PDZRN4: variants seen among roughly 807,000 people sequenced by gnomAD.
PDZRN4 encodes the protein PDZ domain containing ring finger 4, also known as PDZ domain-containing RING finger protein 4.
In PDZRN4, 70 loss-of-function variants were observed where a neutral mutation model predicts 99.0. The ratio of observed to expected loss-of-function variants is 0.71; its 90% CI spans 0.58 to 0.86. The LOEUF (loss-of-function observed/expected upper bound fraction) is 0.86, where lower values mean the gene tolerates loss of function less well. Ranked by LOEUF, PDZRN4 falls within the 40% of genes least tolerant of loss-of-function variation. PDZRN4 has a pLI of 0.00. For synonymous variants in PDZRN4, 551 were observed against 501.6 expected (o/e 1.10, Z -1.32); for missense variants, 1,474 against 1,331.2 (o/e 1.11, Z -1.67).
At chr12:41,311,720 G>T (rs528268218) in intron 3 of PDZRN4, among the ~76,000 whole-genome samples, 1 of 152,086 alleles carries the variant, frequency 6.6e-6, no homozygotes, top group African/African-American at 2.4e-5. Flanking sequence ...TTTACTTGCT[G>T]TATGAGTTAT....
chr12:41,521,170 A>G (rs1938486749), intron 5 of PDZRN4, among the ~76,000 whole-genome samples: 1 of 152,100 alleles, frequency 6.6e-6, no homozygotes, highest in Non-Finnish European at 1.5e-5. Flanking sequence ...GCCCTCTTAC[A>G]GATATTCTCT....
At chr12:41,312,415 C>A (rs1291095540) in intron 3 of PDZRN4, among the ~76,000 whole-genome samples, 1 of 152,140 alleles carries the variant, frequency 6.6e-6, no homozygotes, top group Admixed American at 6.6e-5. Flanking sequence ...GCTCACTTGA[C>A]TTTGCCTATC....
chr12:41,199,958 C>T (rs901252943), intron 3 of PDZRN4, among the ~76,000 whole-genome samples: 1 of 152,022 alleles, frequency 6.6e-6, no homozygotes, highest in South Asian at 2.1e-4. Context: ...CCAGACTTCA[C>T]CATGATGCAA....
At chr12:41,275,516 C>G (rs1951344836) in intron 3 of PDZRN4, among the ~76,000 whole-genome samples, 1 of 152,034 alleles carries the variant, frequency 6.6e-6, no homozygotes, top group African/African-American at 2.4e-5. Flanking sequence ...GAAGTGAGCT[C>G]AGTGGAGTGA....
chr12:41,359,577 G>A (rs1006687977), intron 3 of PDZRN4, among the ~76,000 whole-genome samples: 17 of 151,884 alleles, frequency 1.1e-4, no homozygotes, highest in Non-Finnish European at 2.5e-4. Context: ...TTCCCATTAT[G>A]TTCTTGTGAT....
At chr12:41,405,809 G>C (rs1952343619) in intron 3 of PDZRN4, among the ~76,000 whole-genome samples, 1 of 152,134 alleles carries the variant, frequency 6.6e-6, no homozygotes, top group Admixed American at 6.5e-5. Context: ...AACATGGGTA[G>C]AGCTGGAGGC....
intron 3 of PDZRN4, among the ~76,000 whole-genome samples, chr12:41,278,714 A>G (rs889722605): frequency 6.6e-6 from 1 of 152,194 alleles, no homozygotes; most frequent in Non-Finnish European, 1.5e-5. Context: ...CTCAAGATAG[A>G]GATAAGGGAA....
intron 3 of PDZRN4, among the ~76,000 whole-genome samples, chr12:41,262,007 T>TCCCC (rs1345478886): frequency 2.7e-4 from 41 of 152,292 alleles, no homozygotes; most frequent in African/African-American, 9.9e-4. Context: ...ATGGGCTCAC[T>TCCCC]GGCTCCCCAT....
chr12:41,336,640 G>T (rs1433997346), intron 3 of PDZRN4, among the ~76,000 whole-genome samples: 1 of 152,122 alleles, frequency 6.6e-6, no homozygotes, highest in East Asian at 1.9e-4. Flanking sequence ...AGAGTGGGCT[G>T]TGTGGGAGAC....
chr12:41,452,160 T>G (rs1450052283), intron 3 of PDZRN4, among the ~76,000 whole-genome samples: 1 of 151,378 alleles, frequency 6.6e-6, no homozygotes, highest in African/African-American at 2.4e-5. Context: ...GAACTACCTA[T>G]GGCTCACACC....
chr12:41,312,972 A>G (rs905648762), intron 3 of PDZRN4, among the ~76,000 whole-genome samples: 4 of 152,200 alleles, frequency 2.6e-5, no homozygotes, highest in Non-Finnish European at 4.4e-5. Flanking sequence ...ACTGTCCACC[A>G]GGCATCTCCG....
chr12:41,516,919 T>C (rs1938410530), intron 5 of PDZRN4, among the ~76,000 whole-genome samples: 1 of 152,048 alleles, frequency 6.6e-6, no homozygotes, highest in African/African-American at 2.4e-5. Context: ...TTAAATTGAA[T>C]ACTTAAGTTT....
At chr12:41,312,192 G>A (rs575769374) in intron 3 of PDZRN4, among the ~76,000 whole-genome samples, 1 of 151,134 alleles carries the variant, frequency 6.6e-6, no homozygotes, top group Admixed American at 6.6e-5. Context: ...TTCATTTAGG[G>A]TTTCTATTTT....
chr12:41,272,019 A>G (rs990905733), intron 3 of PDZRN4, among the ~76,000 whole-genome samples: 1 of 151,792 alleles, frequency 6.6e-6, no homozygotes, highest in Non-Finnish European at 1.5e-5. Context: ...TACTATATAG[A>G]ATATCTCAAA....
At chr12:41,213,353 C>G (rs1457613568) in intron 3 of PDZRN4, among the ~76,000 whole-genome samples, 1 of 151,962 alleles carries the variant, frequency 6.6e-6, no homozygotes, top group African/African-American at 2.4e-5. Context: ...GAGAGAAAAC[C>G]CACGGCTTCA....
At chr12:41,367,389 C>T (rs1013263153) in intron 3 of PDZRN4, among the ~76,000 whole-genome samples, 2 of 151,902 alleles carry the variant, frequency 1.3e-5, no homozygotes, top group Non-Finnish European at 2.9e-5. Context: ...GCTGCCTGGA[C>T]TCCCAACTAC....
intron 3 of PDZRN4, among the ~76,000 whole-genome samples, chr12:41,208,133 T>C: frequency 6.6e-6 from 1 of 151,922 alleles, no homozygotes; most frequent in Non-Finnish European, 1.5e-5. Context: ...AACAATCTCT[T>C]GTCCACTACT....
chr12:41,379,786 A>T (rs1047392776), intron 3 of PDZRN4, among the ~76,000 whole-genome samples: 2 of 151,888 alleles, frequency 1.3e-5, no homozygotes, highest in East Asian at 3.9e-4. Context: ...TTTCCTATGG[A>T]ATATTTTATG....
chr12:41,544,106 T>C (rs1938908039), intron 5 of PDZRN4, among the ~76,000 whole-genome samples: 1 of 152,232 alleles, frequency 6.6e-6, no homozygotes, highest in African/African-American at 2.4e-5. Context: ...TTTAGAGGAA[T>C]GTTTGGTACA....
Sources: gnomAD v4.1 joint callset for allele counts (sites outside exome capture counted in the v4.1 genomes callset) on GRCh38, gnomAD v4.1.1 for gene constraint, MANE v1.5 for transcripts, NCBI Gene and HGNC (gene_info 2026-07-23, HGNC 2026-07-21) for gene names.